LEPR: variants seen among roughly 807,000 people sequenced by gnomAD.
The protein encoded by LEPR is leptin receptor.
In LEPR, 56 loss-of-function variants were observed where a neutral mutation model predicts 114.7. The ratio of observed to expected loss-of-function variants is 0.49; its 90% CI spans 0.39 to 0.61. The LOEUF (loss-of-function observed/expected upper bound fraction) is 0.61. LEPR is among the 20% of genes least tolerant of loss of function. The pLI, the probability that LEPR is intolerant of heterozygous loss-of-function variation, is 0.00. For missense variants in LEPR, 1,202 were observed against 1,352.9 expected (o/e 0.89, Z 1.75); for synonymous variants, 443 against 461.4 (o/e 0.96, Z 0.51).
intron 12 of LEPR, 51 bp downstream of exon 12, chr1:65,608,952 A>G (rs1656996501): frequency 6.2e-7 from 1 of 1,605,518 alleles, no homozygotes. Flanking sequence ...TATTTTTATA[A>G]TATGTAAGAG....
intron 2 of LEPR, chr1:65,526,448 G>C (rs1649978849): frequency 1.0e-6 from 1 of 982,900 alleles, no homozygotes; most frequent in Non-Finnish European, 1.2e-6. Context: ...CAGGTATGGT[G>C]CCATTTAAAA....
chr1:65,506,507 G>A (rs1648736850), intron 2 of LEPR, among the ~76,000 whole-genome samples: 14 of 152,194 alleles, frequency 9.2e-5, no homozygotes, highest in Admixed American at 9.2e-4. Flanking sequence ...AAGTATGGAT[G>A]CAGTGTGACA....
At chr1:65,530,650 C>T (rs1405355183) in intron 2 of LEPR, among the ~76,000 whole-genome samples, 1 of 152,174 alleles carries the variant, frequency 6.6e-6, no homozygotes, top group Admixed American at 6.5e-5. Flanking sequence ...AGACGTCACT[C>T]TCGTCATCAT....
chr1:65,483,060 A>G (rs1324929634), intron 2 of LEPR, among the ~76,000 whole-genome samples: 1 of 152,042 alleles, frequency 6.6e-6, no homozygotes, highest in Non-Finnish European at 1.5e-5. Flanking sequence ...GGGGCAGGGA[A>G]ATATTGCTTA....
chr1:65,636,068 T>C, intron 19 of LEPR, 123 bp from the exon 20 acceptor site: 1 of 1,116,432 alleles, frequency 9.0e-7, no homozygotes, highest in South Asian at 1.4e-5. Flanking sequence ...CAAAAACTAG[T>C]TAATTTGTGG....
At chr1:65,553,779 G>A (rs1165026631) in intron 2 of LEPR, among the ~76,000 whole-genome samples, 1 of 152,088 alleles carries the variant, frequency 6.6e-6, no homozygotes, top group Non-Finnish European at 1.5e-5. Flanking sequence ...TAAATGAGAA[G>A]CGGCATTCTG....
chr1:65,618,320 C>T (rs1379019700), intron 16 of LEPR, among the ~76,000 whole-genome samples, 174 bp downstream of exon 16: 1 of 151,668 alleles, frequency 6.6e-6, no homozygotes, highest in Non-Finnish European at 1.5e-5. Flanking sequence ...TTCCTCTTCT[C>T]TTCTCTTCTC....
In LEPR at chr1:65,570,668, T is replaced by A; in HGVS notation, c.236T>A (p.Phe79Tyr). The change falls in exon 4 of 20, where the codon TTT (phenylalanine) becomes TAT (tyrosine). Residue 79 changes from phenylalanine (F) to tyrosine (Y), a missense_variant. Physicochemically the swap from Phe to Tyr is conservative, Grantham distance 22. Coordinates refer to ENST00000349533, the MANE Select transcript of LEPR (RefSeq NM_002303.6). ...EPKFNSSGTH[F>Y]SNLSKTTFHC... is the part of the protein sequence containing the mutation. ...AAGTTTAATTCAAGTGGTACTCACT[T>A]TTCTAACTTATCCAAAACAACTTTC... The A allele has an allele frequency of 1.9e-6, 3 of 1,613,960 alleles. No individual in the cohort carries two copies. Among genetic ancestry groups the A allele is most frequent in the Non-Finnish European group, 2.5e-6 (3 of 1,179,904 alleles).
At chr1:65,602,827 A>C (rs1421503137) in intron 10 of LEPR, among the ~76,000 whole-genome samples, 1 of 152,086 alleles carries the variant, frequency 6.6e-6, no homozygotes, top group Non-Finnish European at 1.5e-5. Context: ...TAGGAAAAAA[A>C]TGTGGCAATT....
At chr1:65,621,503 G>T in intron 18 of LEPR, 45 bp downstream of exon 18, 1 of 1,522,368 alleles carries the variant, frequency 6.6e-7, no homozygotes. Flanking sequence ...AAGTCCTTAC[G>T]CGTATTCAAA....
intron 16 of LEPR, among the ~76,000 whole-genome samples, chr1:65,619,341 A>G (rs760642549): frequency 6.6e-6 from 1 of 152,116 alleles, no homozygotes; most frequent in African/African-American, 2.4e-5. Flanking sequence ...ATATTCATAT[A>G]TTATTAGCAT....
chr1:65,555,082 C>A (rs1652720530), intron 2 of LEPR, among the ~76,000 whole-genome samples: 1 of 152,112 alleles, frequency 6.6e-6, no homozygotes, highest in South Asian at 2.1e-4. Context: ...CCGGGTACCT[C>A]AGTTGGAAAT....
At chr1:65,505,969 C>A (rs1253524350) in intron 2 of LEPR, among the ~76,000 whole-genome samples, 1 of 152,106 alleles carries the variant, frequency 6.6e-6, no homozygotes, top group Non-Finnish European at 1.5e-5. Flanking sequence ...TAAAAATGTT[C>A]TTTGTTTTGT....
intron 2 of LEPR, among the ~76,000 whole-genome samples, chr1:65,506,051 A>T (rs1322952097): frequency 6.6e-6 from 1 of 152,202 alleles, no homozygotes; most frequent in Non-Finnish European, 1.5e-5. Flanking sequence ...GCTGGCAAAC[A>T]TGCTGGTTCC....
chr1:65,425,416 G>A (rs748870867), intron 2 of LEPR, 38 bp downstream of exon 2: 4 of 1,551,106 alleles, frequency 2.6e-6, no homozygotes, highest in South Asian at 1.2e-5. Flanking sequence ...TCCTCTTTCT[G>A]TGTCTTTGTC....
chr1:65,532,427 CGTAA>C (rs1308501284), intron 2 of LEPR, among the ~76,000 whole-genome samples: 1 of 152,090 alleles, frequency 6.6e-6, no homozygotes, highest in Non-Finnish European at 1.5e-5. Context: ...AAATGCTAAA[CGTAA>C]GTGTTTAAGA....
At chr1:65,591,828 G>A (rs896988429) in intron 5 of LEPR, among the ~76,000 whole-genome samples, 3 of 151,878 alleles carry the variant, frequency 2.0e-5, no homozygotes, top group Admixed American at 2.0e-4. Context: ...AAATTGATAT[G>A]TTTAGGTTTA....
At chr1:65,425,159 T>A (rs1452133810) in intron 1 of LEPR, 144 bp from the exon 2 acceptor site, 1 of 652,608 alleles carries the variant, frequency 1.5e-6, no homozygotes, top group Non-Finnish European at 2.7e-6. Flanking sequence ...TATGCAGCCA[T>A]CACTACTATC....
intron 2 of LEPR, among the ~76,000 whole-genome samples, chr1:65,476,847 T>C (rs746450582): frequency 6.6e-6 from 1 of 152,218 alleles, no homozygotes; most frequent in Non-Finnish European, 1.5e-5. Flanking sequence ...TAGAATCTTT[T>C]TGAGCATAGA....
Sources: allele counts gnomAD v4.1 joint callset (sites outside exome capture counted in the v4.1 genomes callset), GRCh38; gene constraint gnomAD v4.1.1; transcripts MANE v1.5; gene names NCBI Gene and HGNC (gene_info 2026-07-23, HGNC 2026-07-21).